The following LRRC7 variants were observed in gnomAD, a reference collection of about 807,000 sequenced individuals.
The protein encoded by LRRC7 is leucine-rich repeat-containing protein 7.
A neutral mutation model predicts 175.7 loss-of-function variants in LRRC7; 23 were observed. That is an observed-to-expected ratio of 0.13 (90% CI 0.09 to 0.19). The LOEUF (loss-of-function observed/expected upper bound fraction) is 0.19, where lower values mean the gene tolerates loss of function less well. Ranked by LOEUF, LRRC7 falls within the 10% of genes least tolerant of loss-of-function variation. LRRC7 has a pLI of 1.00. For synonymous variants in LRRC7, 685 were observed against 680.9 expected, an observed-to-expected ratio of 1.01 and a Z score of -0.09; for missense variants, 1,354 against 1,904.7, an observed-to-expected ratio of 0.71 and a Z score of 5.38.
At chr1:70,075,286 C>T (rs140691725) in intron 23 of LRRC7, among the ~76,000 whole-genome samples, 8 of 152,206 alleles carry the variant, frequency 5.3e-5, no homozygotes, top group South Asian at 4.1e-4. Flanking sequence ...GATAGAATGA[C>T]GCAAGGAGCT....
chr1:69,715,850 A>G (rs1239764166), intron 2 of LRRC7, among the ~76,000 whole-genome samples: 1 of 152,034 alleles, frequency 6.6e-6, no homozygotes, highest in Non-Finnish European at 1.5e-5. Flanking sequence ...GCAAGAAGGA[A>G]AAGCACTGTA....
intron 25 of LRRC7, among the ~76,000 whole-genome samples, chr1:70,098,690 C>T (rs1352739313): frequency 6.6e-6 from 1 of 151,948 alleles, no homozygotes; most frequent in Non-Finnish European, 1.5e-5. Flanking sequence ...ATACTACAAA[C>T]ACCTCTACGC....
At chr1:69,878,808 ATG>A (rs1013996249) in intron 7 of LRRC7, among the ~76,000 whole-genome samples, 3 of 149,006 alleles carry the variant, frequency 2.0e-5, no homozygotes, top group Non-Finnish European at 3.0e-5. Flanking sequence ...ATATAAATAA[ATG>A]TATATATATA....
At chr1:69,935,291 T>A (rs1198090451) in intron 8 of LRRC7, among the ~76,000 whole-genome samples, 1 of 152,106 alleles carries the variant, frequency 6.6e-6, no homozygotes, top group Non-Finnish European at 1.5e-5. Flanking sequence ...AATTTCCTTA[T>A]CCTGTGCTAT....
At chr1:70,069,058 C>T (rs750086877) in intron 23 of LRRC7, among the ~76,000 whole-genome samples, 10 of 152,062 alleles carry the variant, frequency 6.6e-5, no homozygotes, top group Non-Finnish European at 1.5e-4. Context: ...TTCAAGTTAT[C>T]TATATTTTAT....
chr1:69,738,836 G>A (rs903608282), intron 2 of LRRC7, among the ~76,000 whole-genome samples: 1 of 151,996 alleles, frequency 6.6e-6, no homozygotes, highest in Non-Finnish European at 1.5e-5. Context: ...AAAAACTTAA[G>A]TGGACCCTGG....
intron 3 of LRRC7, among the ~76,000 whole-genome samples, chr1:69,791,479 GA>G (rs1557734306): frequency 1.3e-5 from 2 of 151,944 alleles, no homozygotes; most frequent in African/African-American, 4.8e-5. Flanking sequence ...AAGCAATTAC[GA>G]GTGATTTTTT....
At chr1:70,018,001 T>C (rs1365800280) in intron 14 of LRRC7, among the ~76,000 whole-genome samples, 6 of 152,116 alleles carry the variant, frequency 3.9e-5, no homozygotes, top group Admixed American at 3.3e-4. Flanking sequence ...CTCAGTTTCA[T>C]GAGACAAACT....
chr1:69,684,148 C>A lies in LRRC7; in HGVS notation c.100+5670C>A, dbSNP rs916201929. On this transcript the variant is annotated intron_variant, in intron 2 of 26. Coordinates refer to ENST00000651989, the MANE Select transcript of LRRC7 (RefSeq NM_001370785.2). ...GTTATATAAGATCCATACCCAGATA[C>A]ATACAGACAGATATTTTAGAATTAT... is the stretch of plus-strand genomic sequence containing the variant. Among the ~76,000 whole-genome samples, 81 of 152,232 alleles carry A rather than the reference C, an allele frequency of 5.3e-4. 1 individual carries two copies. Among genetic ancestry groups the A allele is most frequent in the Non-Finnish European group, 5.9e-5 (4 of 67,996 alleles).
At chr1:69,643,459 T>C (rs974176771) in intron 1 of LRRC7, among the ~76,000 whole-genome samples, 6 of 152,108 alleles carry the variant, frequency 3.9e-5, no homozygotes, top group African/African-American at 1.4e-4. Flanking sequence ...AAAACAACTC[T>C]TTTCTCCAAA....
At position 69,781,732 on chromosome 1, in the gene LRRC7, A is replaced by AG. The variant is rs1557719489; in HGVS notation, c.304-10311_304-10310insG. 2.0e-3 allele frequency among the ~76,000 whole-genome samples: 63 copies of AG among 30,916 alleles called. 3 individuals are homozygous for AG. The highest frequency in any genetic ancestry group is 2.9e-3 in the East Asian group (2 of 700). 20.3% of individuals were successfully genotyped at this position (30,916 alleles called of 152,430 possible). A position where few individuals can be genotyped will look rare whatever the true frequency, so the allele number is the denominator to read the frequency against. On this transcript the variant is annotated intron_variant, in intron 3 of 26. Transcript: ENST00000651989. ...GAAAGAAAGAAAGAAAGAAAGAAAG[A>AG]AAGAGAGAGAGAGAGAGAGAGAGAG...
intron 7 of LRRC7, among the ~76,000 whole-genome samples, chr1:69,890,841 C>G (rs1435185103): frequency 1.3e-5 from 2 of 152,344 alleles, no homozygotes; most frequent in East Asian, 1.9e-4. Context: ...TTAAACTTCA[C>G]AAACCAACCT....
intron 2 of LRRC7, among the ~76,000 whole-genome samples, chr1:69,730,999 CT>C (rs1468488722): frequency 1.3e-5 from 2 of 151,946 alleles, no homozygotes; most frequent in Non-Finnish European, 2.9e-5. Flanking sequence ...GAAAAAGCTC[CT>C]TATAAAACCA....
intron 1 of LRRC7, among the ~76,000 whole-genome samples, chr1:69,585,886 T>C (rs1015730240): frequency 6.6e-6 from 1 of 152,246 alleles, no homozygotes; most frequent in Non-Finnish European, 1.5e-5. Flanking sequence ...AACTGTTCCA[T>C]TGTTTATCTT....
intron 22 of LRRC7, among the ~76,000 whole-genome samples, chr1:70,049,763 T>C (rs899335787): frequency 1.3e-5 from 2 of 152,072 alleles, no homozygotes; most frequent in African/African-American, 4.8e-5. Context: ...ACCTTTGTAA[T>C]ACCTATTTTT....
intron 7 of LRRC7, among the ~76,000 whole-genome samples, chr1:69,896,138 G>C: frequency 6.6e-6 from 1 of 151,990 alleles, no homozygotes; most frequent in East Asian, 1.9e-4. Context: ...TCTGGTAATA[G>C]CGTGCTTCTT....
intron 3 of LRRC7, among the ~76,000 whole-genome samples, chr1:69,776,100 C>T (rs1017172672): frequency 1.3e-5 from 2 of 152,084 alleles, no homozygotes; most frequent in African/African-American, 4.8e-5. Flanking sequence ...AAGTTTGAAT[C>T]CCAGCTTGGG....
chr1:69,927,149 G>A (rs1354138273), intron 7 of LRRC7, among the ~76,000 whole-genome samples: 1 of 152,198 alleles, frequency 6.6e-6, no homozygotes, highest in Non-Finnish European at 1.5e-5. Context: ...AATGTCTTCT[G>A]GCTTGTAAAG....
Position 70,124,046 on chromosome 1 carries a change from C to T in LRRC7, c.*2159C>T, listed in dbSNP as rs890148855. On this transcript the variant is annotated 3_prime_UTR_variant, in exon 27 of 27. Transcript: ENST00000651989. ...AAAGGATCATAATCCTAGTAAACAC[C>T]TCTGCCACTCCTGATGTGACAACAT... Among the ~76,000 whole-genome samples, 1 of 152,160 alleles carries T rather than the reference C, an allele frequency of 6.6e-6. No individual in the cohort carries two copies. The highest frequency in any genetic ancestry group is 2.4e-5 in the African/African-American group (1 of 41,432).
Sources: allele counts gnomAD v4.1 joint callset (sites outside exome capture counted in the v4.1 genomes callset), GRCh38; gene constraint gnomAD v4.1.1; transcripts MANE v1.5; gene names NCBI Gene and HGNC (gene_info 2026-07-23, HGNC 2026-07-21).